Variants in CFAP299 observed in about 807,000 individuals in gnomAD.
CFAP299 encodes the protein cilia- and flagella-associated protein 299.
CFAP299 carries 21 observed loss-of-function variants against 27.0 expected under a neutral mutation model. The ratio of observed to expected loss-of-function variants is 0.78; its 90% CI spans 0.55 to 1.12. The LOEUF is 1.12. CFAP299 is among the 50% of genes most tolerant of loss of function. The probability of loss-of-function intolerance (pLI) is 0.00; values close to 1 mark genes in which losing one functional copy is unlikely to be tolerated. For missense variants in CFAP299, 310 were observed against 276.6 expected (o/e 1.12, Z -0.86); for synonymous variants, 104 against 98.1 (o/e 1.06, Z -0.36).
chr4:80,777,322 C>T (rs903691832), intron 3 of CFAP299, among the ~76,000 whole-genome samples: 7 of 152,118 alleles, frequency 4.6e-5, no homozygotes, highest in Non-Finnish European at 1.0e-4. Flanking sequence ...ATTCCTACCC[C>T]TGCATCCCAC....
chr4:80,786,065 A>T (rs962672964), intron 3 of CFAP299, among the ~76,000 whole-genome samples: 1 of 152,096 alleles, frequency 6.6e-6, no homozygotes, highest in African/African-American at 2.4e-5. Flanking sequence ...AAATCTTGCA[A>T]TTTGAAATTG....
At chr4:80,539,365 A>G (rs1358577321) in intron 2 of CFAP299, among the ~76,000 whole-genome samples, 1 of 152,220 alleles carries the variant, frequency 6.6e-6, no homozygotes, top group South Asian at 2.1e-4. Context: ...AGGAAGCACC[A>G]GGTTCGTCAG....
intron 3 of CFAP299, among the ~76,000 whole-genome samples, chr4:80,800,559 ATATAATATATTAATATAAAT>A (rs1728483176): frequency 1.4e-5 from 1 of 70,910 alleles, no homozygotes; most frequent in African/African-American, 6.3e-5. Context: ...TCAATATATT[ATATAATATATTAATATAAAT>A]ATATAATATA....
At chr4:80,454,567 G>T (rs948525704) in intron 2 of CFAP299, among the ~76,000 whole-genome samples, 1 of 152,150 alleles carries the variant, frequency 6.6e-6, no homozygotes, top group African/African-American at 2.4e-5. Flanking sequence ...TCATTGCCTT[G>T]TTCCTAAATA....
intron 2 of CFAP299, among the ~76,000 whole-genome samples, chr4:80,499,600 G>T (rs1287121824): frequency 6.6e-6 from 1 of 151,752 alleles, no homozygotes; most frequent in Non-Finnish European, 1.5e-5. Context: ...GATCTACTTA[G>T]ATTTTTTCCT....
intron 2 of CFAP299, among the ~76,000 whole-genome samples, chr4:80,477,247 A>G (rs1350610910): frequency 6.6e-6 from 1 of 152,046 alleles, no homozygotes; most frequent in East Asian, 1.9e-4. Flanking sequence ...TTTTTTGTAG[A>G]GACAGGGTTT....
chr4:80,783,236 T>C (rs779475125), intron 3 of CFAP299, among the ~76,000 whole-genome samples: 1 of 152,086 alleles, frequency 6.6e-6, no homozygotes, highest in Non-Finnish European at 1.5e-5. Flanking sequence ...GAAGCTTCAA[T>C]CTCTTTTATG....
Position 80,700,655 on chromosome 4 carries a change from C to T in CFAP299, c.333+117472C>T, listed in dbSNP as rs551430108. Reference sequence around the variant, plus strand: ...GGTACTAAGTAGAAACCAGTGCATTCAGGAATACATGAAGTGAGACTATGG... The same window carrying T: ...GGTACTAAGTAGAAACCAGTGCATTTAGGAATACATGAAGTGAGACTATGG... On this transcript the variant is annotated intron_variant, in intron 3 of 5. Coordinates refer to ENST00000358105, the MANE Select transcript of CFAP299 (RefSeq NM_152770.3). 2.2e-4 allele frequency among the ~76,000 whole-genome samples: 33 copies of T among 152,068 alleles called. No individual in the cohort carries two copies. In the South Asian group the frequency reaches 6.2e-3, roughly 29 times the overall value.
chr4:80,535,301 A>G (rs1733671357), intron 2 of CFAP299, among the ~76,000 whole-genome samples: 1 of 152,046 alleles, frequency 6.6e-6, no homozygotes, highest in Admixed American at 6.6e-5. Context: ...TCATTTTCCC[A>G]ATGGGAAAAA....
At chr4:80,807,120 G>T (rs1313751123) in intron 3 of CFAP299, among the ~76,000 whole-genome samples, 2 of 151,954 alleles carry the variant, frequency 1.3e-5, no homozygotes, top group Non-Finnish European at 2.9e-5. Flanking sequence ...ACAGAAATCT[G>T]CAGGTTAAAG....
At chr4:80,432,562 TCA>T in intron 2 of CFAP299, among the ~76,000 whole-genome samples, 1 of 145,330 alleles carries the variant, frequency 6.9e-6, no homozygotes. Context: ...AGACGGAGTC[TCA>T]CTCTGTCGCC....
chr4:80,606,394 G>C (rs1737676671), intron 3 of CFAP299, among the ~76,000 whole-genome samples: 1 of 152,104 alleles, frequency 6.6e-6, no homozygotes, highest in South Asian at 2.1e-4. Context: ...AAATTAGCTG[G>C]GATGGTGGCA....
At chr4:80,741,335 A>T (rs528600935) in intron 3 of CFAP299, among the ~76,000 whole-genome samples, 118 of 151,986 alleles carry the variant, frequency 7.8e-4, no homozygotes, top group African/African-American at 2.7e-3. Flanking sequence ...TGCAACCTCC[A>T]CCTCCTGGGT....
intron 1 of CFAP299, among the ~76,000 whole-genome samples, chr4:80,353,078 T>C (rs1723091028): frequency 6.6e-6 from 1 of 152,074 alleles, no homozygotes. Context: ...ATCAGTGAAG[T>C]AGAAAATTGA....
At chr4:80,606,575 A>G (rs1737690304) in intron 3 of CFAP299, among the ~76,000 whole-genome samples, 1 of 152,180 alleles carries the variant, frequency 6.6e-6, no homozygotes, top group African/African-American at 2.4e-5. Flanking sequence ...AGTAATAGGT[A>G]TATAGATACA....
intron 2 of CFAP299, among the ~76,000 whole-genome samples, chr4:80,393,216 A>T (rs900895655): frequency 6.6e-6 from 1 of 152,346 alleles, no homozygotes; most frequent in South Asian, 2.1e-4. Context: ...AAAATATTTT[A>T]TGCAATTGTA....
At chr4:80,368,624 T>C (rs1723967174) in intron 2 of CFAP299, among the ~76,000 whole-genome samples, 1 of 151,424 alleles carries the variant, frequency 6.6e-6, no homozygotes, top group African/African-American at 2.4e-5. Flanking sequence ...CCCCAAATCT[T>C]AAAAAAAAAT....
intron 2 of CFAP299, among the ~76,000 whole-genome samples, chr4:80,383,075 C>T (rs752371681): frequency 2.0e-5 from 3 of 152,190 alleles, no homozygotes; most frequent in African/African-American, 4.8e-5. Flanking sequence ...CAAGCTAATG[C>T]AGCAATAGAA....
chr4:80,580,602 A>G (rs1413525569), intron 2 of CFAP299, among the ~76,000 whole-genome samples: 1 of 151,942 alleles, frequency 6.6e-6, no homozygotes, highest in East Asian at 1.9e-4. Flanking sequence ...CAAGTTAACA[A>G]ATTTTCTGTA....
Sources: allele counts gnomAD v4.1 joint callset (sites outside exome capture counted in the v4.1 genomes callset), GRCh38; gene constraint gnomAD v4.1.1; transcripts MANE v1.5; gene names NCBI Gene and HGNC (gene_info 2026-07-23, HGNC 2026-07-21).